CECR2: variants seen among roughly 807,000 people sequenced by gnomAD.
The protein encoded by CECR2 is chromatin remodeling regulator CECR2.
CECR2 carries 30 observed loss-of-function variants against 154.5 expected under a neutral mutation model. The ratio of observed to expected loss-of-function variants is 0.19; its 90% confidence interval spans 0.15 to 0.26. The LOEUF (loss-of-function observed/expected upper bound fraction) is 0.26. Among genes scored for constraint, CECR2 ranks in the 10% least tolerant of loss-of-function variants. The pLI, the probability that CECR2 is intolerant of heterozygous loss-of-function variation, is 1.00. For synonymous variants in CECR2, 725 were observed against 683.7 expected (o/e 1.06, Z -0.94); for missense variants, 1,743 against 1,829.3 (o/e 0.95, Z 0.86).
Position 17,484,099 on chromosome 22 carries a change from T to A in CECR2, c.221+6417T>A, listed in dbSNP as rs74759506. 7.4e-3 allele frequency among the ~76,000 whole-genome samples: 1,133 copies of A among 152,334 alleles called. 11 individuals are homozygous for A. Among genetic ancestry groups the A allele is most frequent in the African/African-American group, 0.026 (1,083 of 41,578 alleles). ...TGTAGTAGGCTCTACCATCTAGGTT[T>A]ATGTAAATACACTATGATGTTTCCA... is the stretch of plus-strand genomic sequence containing the variant. On this transcript the variant is annotated intron_variant, in intron 2 of 18. Transcript: ENST00000262608.
chr22:17,536,062 A>G (rs2056432695), intron 9 of CECR2, among the ~76,000 whole-genome samples: 1 of 152,110 alleles, frequency 6.6e-6, no homozygotes, highest in Non-Finnish European at 1.5e-5. Flanking sequence ...CAGCCTGACC[A>G]ACATGGAGAA....
intron 7 of CECR2, among the ~76,000 whole-genome samples, chr22:17,509,935 A>G (rs1021507994): frequency 4.6e-5 from 7 of 152,184 alleles, no homozygotes; most frequent in African/African-American, 1.4e-4. Flanking sequence ...TAATTAACAG[A>G]AGGTAAGTCC....
chr22:17,547,279 G>C (rs983529950), intron 16 of CECR2, among the ~76,000 whole-genome samples: 1 of 151,444 alleles, frequency 6.6e-6, no homozygotes, highest in African/African-American at 2.4e-5. Flanking sequence ...GCCCAGGCTG[G>C]AGTACAGTGG....
intron 2 of CECR2, among the ~76,000 whole-genome samples, chr22:17,481,119 A>G (rs1406647930): frequency 6.7e-6 from 1 of 150,208 alleles, no homozygotes; most frequent in Non-Finnish European, 1.5e-5. Context: ...GGAGGCGGGC[A>G]GATCACGAGG....
At chr22:17,492,852 G>A (rs1303799808) in intron 2 of CECR2, among the ~76,000 whole-genome samples, 3 of 152,226 alleles carry the variant, frequency 2.0e-5, no homozygotes, top group Admixed American at 2.0e-4. Flanking sequence ...ATGAATGGAT[G>A]AGTAAGTGAA....
chr22:17,452,903 G>GT (rs2054793725), intron 1 of CECR2, among the ~76,000 whole-genome samples: 1 of 152,078 alleles, frequency 6.6e-6, no homozygotes, highest in Non-Finnish European at 1.5e-5. Context: ...TAAAACCTTG[G>GT]TTTTTTAATG....
chr22:17,542,353 G>T lies in CECR2; in HGVS notation c.2210G>T (p.Arg737Leu). The change falls in exon 16 of 19, where the codon CGG becomes CTG. Residue 737 changes from arginine (R) to leucine (L), a missense_variant. Arg to Leu is a moderately radical substitution (Grantham distance 102). Around this residue, in one of 4 missense-constraint regions of CECR2, gnomAD observed 1,250 missense variants for 1,192.1 expected, o/e 1.05. Coordinates refer to ENST00000262608, the MANE Select transcript of CECR2 (RefSeq NM_001290047.2). ...AQFQPGFIPP[R>L]HGGAPARPPD... ...TTCCAGCCAGGATTCATTCCTCCCC[G>T]GCATGGGGGGGCTCCAGCCCGGCCA... 6.2e-7 allele frequency: 1 copy of T among 1,613,742 alleles called. No individual in the cohort carries two copies. Among genetic ancestry groups the T allele is most frequent in the South Asian group, 1.1e-5 (1 of 91,066 alleles).
chr22:17,514,839 C>G (rs945860886), intron 8 of CECR2, among the ~76,000 whole-genome samples: 1 of 152,034 alleles, frequency 6.6e-6, no homozygotes, highest in African/African-American at 2.4e-5. Flanking sequence ...CGAGACCATC[C>G]TGGCTAACAC....
chr22:17,388,121 A>ATGT (rs1489781132), intron 1 of CECR2, among the ~76,000 whole-genome samples: 1 of 151,770 alleles, frequency 6.6e-6, no homozygotes, highest in Non-Finnish European at 1.5e-5. Context: ...TGCCTGGCTG[A>ATGT]TGTTTATATT....
At chr22:17,382,104 A>C (rs1009157570) in intron 1 of CECR2, among the ~76,000 whole-genome samples, 12 of 150,320 alleles carry the variant, frequency 8.0e-5, no homozygotes, top group South Asian at 4.2e-4. Context: ...GTTAGCCAGG[A>C]TGGTCTTGAT....
chr22:17,419,500 AGG>A (rs1390228791), intron 1 of CECR2: 217 of 155,362 alleles, frequency 1.4e-3, no homozygotes, highest in African/African-American at 0.011. Context: ...CATCAGGAAG[AGG>A]AAGAGGAGGA....
chr22:17,411,134 C>A (rs899729618), intron 1 of CECR2, among the ~76,000 whole-genome samples: 1 of 152,174 alleles, frequency 6.6e-6, no homozygotes, highest in Non-Finnish European at 1.5e-5. Flanking sequence ...TTATATTATG[C>A]TCTTTTAGTA....
chr22:17,542,594 T>C lies in CECR2; in HGVS notation c.2451T>C (p.Pro817=), dbSNP rs1035687523. The C allele has an allele frequency of 6.2e-7, 1 of 1,613,998 alleles. No individual in the cohort carries two copies. The highest frequency in any genetic ancestry group is 8.5e-7 in the Non-Finnish European group (1 of 1,179,884). Residue 817 remains proline (P), a synonymous_variant, in exon 16 of 19, where the codon CCT becomes CCC. Transcript: ENST00000262608. The part of the protein sequence containing the change: ...HVMDSRVMRP[P]VPPNQWTEQS... ...TGGATTCCCGAGTCATGAGACCACC[T>C]GTCCCCCCCAACCAGTGGACTGAAC...
intron 7 of CECR2, among the ~76,000 whole-genome samples, chr22:17,507,671 A>G (rs1263574169): frequency 2.0e-5 from 3 of 152,230 alleles, no homozygotes; most frequent in Non-Finnish European, 4.4e-5. Context: ...ATTCTTTTCA[A>G]AAGGAGAAAA....
At chr22:17,461,444 C>G (rs535265198) in intron 1 of CECR2, among the ~76,000 whole-genome samples, 1 of 152,282 alleles carries the variant, frequency 6.6e-6, no homozygotes, top group African/African-American at 2.4e-5. Flanking sequence ...ACAACAAACT[C>G]CCTATATTTC....
intron 2 of CECR2, among the ~76,000 whole-genome samples, chr22:17,493,756 G>A (rs374953003): frequency 1.3e-5 from 2 of 152,340 alleles, no homozygotes; most frequent in South Asian, 2.1e-4. Flanking sequence ...TTGTCTAAAG[G>A]AGCAGCACTG....
At chr22:17,447,752 A>G (rs2054698452) in intron 1 of CECR2, among the ~76,000 whole-genome samples, 1 of 152,004 alleles carries the variant, frequency 6.6e-6, no homozygotes, top group African/African-American at 2.4e-5. Flanking sequence ...GTGTGCAGCC[A>G]GGATTGAGAA....
At chr22:17,470,531 C>G (rs952219189) in intron 1 of CECR2, among the ~76,000 whole-genome samples, 9 of 152,208 alleles carry the variant, frequency 5.9e-5, no homozygotes, top group Non-Finnish European at 1.2e-4. Flanking sequence ...ACTTCTAGGA[C>G]CTTATCTCTG....
rs367583662 is a variant in CECR2, at chr22:17,542,735, A to C, written c.2592A>C (p.Gly864=). The change falls in exon 16 of 19, where the codon GGA becomes GGC. Residue 864 remains glycine, a synonymous_variant. Transcript: ENST00000262608. ...TGCCAGCACCCAGTTCTTTGTTTGG[A>C]GCACCTGCCCAGGCTCTTCGGGGGG... The part of the protein sequence containing the change: ...PPVPAPSSLF[G]APAQALRGVQ... The C allele has an allele frequency of 8.1e-6, 13 of 1,613,806 alleles. No homozygotes were observed. The highest frequency in any genetic ancestry group is 2.7e-5 in the African/African-American group (2 of 74,898).
Sources: allele counts gnomAD v4.1 joint callset (sites outside exome capture counted in the v4.1 genomes callset), GRCh38; gene constraint gnomAD v4.1.1; regional missense constraint gnomAD v4.1.1; transcripts MANE v1.5; gene names NCBI Gene and HGNC (gene_info 2026-07-23, HGNC 2026-07-21).